The following TAFA1 variants were observed in gnomAD, a reference collection of about 807,000 sequenced individuals.
TAFA1 encodes the protein chemokine-like protein TAFA-1.
Under a neutral mutation model 18.5 loss-of-function variants are expected in TAFA1, and 4 were observed. That is an observed-to-expected ratio of 0.22 (90% CI 0.11 to 0.49). TAFA1 has a LOEUF of 0.49. TAFA1 is among the 20% of genes least tolerant of loss of function. TAFA1 has a pLI of 0.98. For missense variants in TAFA1, 147 were observed against 169.0 expected, an observed-to-expected ratio of 0.87 and a Z score of 0.72; for synonymous variants, 56 against 55.2, an observed-to-expected ratio of 1.01 and a Z score of -0.06.
intron 3 of TAFA1, among the ~76,000 whole-genome samples, chr3:68,451,615 GT>G (rs2071567528): frequency 6.6e-6 from 1 of 152,060 alleles, no homozygotes; most frequent in African/African-American, 2.4e-5. Flanking sequence ...CACAAAAGAG[GT>G]TGATTTTGGG....
intron 2 of TAFA1, among the ~76,000 whole-genome samples, chr3:68,342,817 A>G (rs982265560): frequency 6.6e-6 from 1 of 152,324 alleles, no homozygotes; most frequent in East Asian, 1.9e-4. Flanking sequence ...CAAAGGCCCA[A>G]TCTGGCCTTT....
At chr3:68,266,965 C>T (rs996189514) in intron 2 of TAFA1, among the ~76,000 whole-genome samples, 2 of 142,334 alleles carry the variant, frequency 1.4e-5, no homozygotes, top group Admixed American at 7.1e-5. Flanking sequence ...CCAGTTTCTC[C>T]TATGAATATT....
chr3:68,287,934 T>A (rs1169893035), intron 2 of TAFA1, among the ~76,000 whole-genome samples: 1 of 149,184 alleles, frequency 6.7e-6, no homozygotes, highest in South Asian at 2.1e-4. Flanking sequence ...TTTTGAAAAT[T>A]TTTTTCTGAG....
chr3:68,332,587 A>T (rs13314950), intron 2 of TAFA1, among the ~76,000 whole-genome samples: 6,719 of 152,286 alleles, frequency 0.044, 164 homozygotes, highest in African/African-American at 0.065. Context: ...TTTAAATAAA[A>T]ATTGGGCAAA....
chr3:68,522,930 G>A (rs1263900848), intron 3 of TAFA1, among the ~76,000 whole-genome samples: 2 of 152,104 alleles, frequency 1.3e-5, no homozygotes, highest in African/African-American at 4.8e-5. Flanking sequence ...ACAAAAATTG[G>A]CGAGGTATGG....
chr3:68,094,627 C>T (rs1348707133), intron 2 of TAFA1, among the ~76,000 whole-genome samples: 1 of 152,112 alleles, frequency 6.6e-6, no homozygotes, highest in Non-Finnish European at 1.5e-5. Context: ...CATACTGAGC[C>T]AGTTCTCATG....
At chr3:68,265,013 C>T (rs2067515710) in intron 2 of TAFA1, among the ~76,000 whole-genome samples, 1 of 152,032 alleles carries the variant, frequency 6.6e-6, no homozygotes, top group Non-Finnish European at 1.5e-5. Context: ...AAAATGTATG[C>T]AAAAATTGTG....
rs1170803290 is a variant in TAFA1, at chr3:68,127,827, G to T, written c.118+121083G>T. On this transcript the variant is annotated intron_variant, in intron 2 of 4. Transcript: ENST00000478136. ...CAGTGGTGGTGGTGGTGGTGATGGT[G>T]GTGGTGATGCTGATAGCAGTGGTGG... 2.0e-5 allele frequency among the ~76,000 whole-genome samples: 3 copies of T among 147,660 alleles called. 1 individual carries two copies. The South Asian group carries it at 6.5e-4, about 32-fold the overall frequency.
chr3:68,013,037 C>T (rs1384129777), intron 2 of TAFA1, among the ~76,000 whole-genome samples: 1 of 151,860 alleles, frequency 6.6e-6, no homozygotes, highest in African/African-American at 2.4e-5. Context: ...TTTTTTTCGA[C>T]AGCATCTACC....
At chr3:68,527,531 G>C (rs1367517231) in intron 3 of TAFA1, among the ~76,000 whole-genome samples, 1 of 151,912 alleles carries the variant, frequency 6.6e-6, no homozygotes, top group Non-Finnish European at 1.5e-5. Flanking sequence ...TTACTTAATG[G>C]TTAAATTACT....
intron 2 of TAFA1, among the ~76,000 whole-genome samples, chr3:68,330,545 C>T (rs1575782117): frequency 1.3e-5 from 2 of 152,134 alleles, no homozygotes; most frequent in East Asian, 3.9e-4. Flanking sequence ...TCTTGCTGTG[C>T]TTTATGTGTG....
intron 2 of TAFA1, among the ~76,000 whole-genome samples, chr3:68,108,507 A>T (rs953935623): frequency 4.0e-5 from 6 of 151,430 alleles, no homozygotes; most frequent in Admixed American, 1.3e-4. Flanking sequence ...ATTATGACAC[A>T]CTCTAGCCAC....
chr3:68,024,690 T>G (rs977636879), intron 2 of TAFA1, among the ~76,000 whole-genome samples: 1 of 152,052 alleles, frequency 6.6e-6, no homozygotes, highest in East Asian at 1.9e-4. Context: ...CATATCAGGT[T>G]TAGTTTTGTG....
At chr3:67,993,645 A>G in the TAFA1 span, among the ~76,000 whole-genome samples, 1 of 152,198 alleles carries the variant, frequency 6.6e-6, no homozygotes, top group Non-Finnish European at 1.5e-5. Flanking sequence ...GTCTGTGTAA[A>G]GGGCTTTACT....
chr3:68,201,278 A>G (rs747749416), intron 2 of TAFA1, among the ~76,000 whole-genome samples: 15 of 151,712 alleles, frequency 9.9e-5, no homozygotes, highest in Non-Finnish European at 1.8e-4. Flanking sequence ...AATGTGTTAT[A>G]GTATATTCTA....
At chr3:68,321,480 T>TTACATATTTACC (rs1464238000) in intron 2 of TAFA1, among the ~76,000 whole-genome samples, 4 of 152,206 alleles carry the variant, frequency 2.6e-5, no homozygotes, top group Non-Finnish European at 5.9e-5. Context: ...TGTAAATATG[T>TTACATATTTACC]AAGAACCAAG....
chr3:68,385,461 C>T (rs929961446), intron 2 of TAFA1, among the ~76,000 whole-genome samples: 7 of 152,022 alleles, frequency 4.6e-5, no homozygotes, highest in African/African-American at 9.7e-5. Flanking sequence ...TGGTTTTCAT[C>T]GTATTAGCTG....
chr3:68,483,274 A>G (rs1296748245), intron 3 of TAFA1, among the ~76,000 whole-genome samples: 1 of 113,140 alleles, frequency 8.8e-6, no homozygotes, highest in African/African-American at 3.8e-5. Flanking sequence ...TGTAAAGAAC[A>G]GACATTTCTG....
In TAFA1 at chr3:68,452,588, C is replaced by G. The variant is rs143601164; in HGVS notation, c.259+35168C>G. ...AAGAACATGTCTACTACTATGCTTA[C>G]TCAGCCATGGAAAATGCCCTATATT... is the stretch of plus-strand genomic sequence containing the variant. On this transcript the variant is annotated intron_variant, in intron 3 of 4. Coordinates refer to ENST00000478136, the MANE Select transcript of TAFA1 (RefSeq NM_213609.4). Among the ~76,000 whole-genome samples the G allele has an allele frequency of 3.2e-3, 477 of 150,134 alleles. 4 individuals are homozygous for G. The highest frequency in any genetic ancestry group is 0.011 in the African/African-American group (443 of 40,894).
Sources: gnomAD v4.1 joint callset for allele counts (sites outside exome capture counted in the v4.1 genomes callset) on GRCh38, gnomAD v4.1.1 for gene constraint, MANE v1.5 for transcripts, NCBI Gene and HGNC (gene_info 2026-07-23, HGNC 2026-07-21) for gene names.